The following CLTCL1 variants were observed in gnomAD, a reference collection of about 807,000 sequenced individuals.
CLTCL1 encodes clathrin heavy chain 2.
In CLTCL1, 159 loss-of-function variants were observed where a neutral mutation model predicts 190.0. The ratio of observed to expected loss-of-function variants is 0.84; its 90% CI spans 0.74 to 0.95. The LOEUF is 0.95. Among genes scored for constraint, CLTCL1 ranks in the 40% least tolerant of loss-of-function variants. CLTCL1 has a pLI of 0.00. For synonymous variants in CLTCL1, 752 were observed against 769.6 expected, an observed-to-expected ratio of 0.98 and a Z score of 0.38; for missense variants, 1,878 against 2,033.4, an observed-to-expected ratio of 0.92 and a Z score of 1.47.
chr22:19,210,424 C>A lies in CLTCL1; in HGVS notation c.3151G>T (p.Asp1051Tyr). The change falls in exon 20 of 33, where the codon GAC (aspartate) becomes TAC (tyrosine). Residue 1051 changes from aspartate to tyrosine, a missense_variant. Coordinates refer to ENST00000427926, the MANE Select transcript of CLTCL1 (RefSeq NM_007098.4). ...MEYISRLDNYDALDIASIAVS... is the reference protein window; with the variant it reads ...MEYISRLDNYYALDIASIAVS... ...GCGATGCTCGCGATGTCCAGTGCGT[C>A]ATAGTTGTCCAGGCGGCTGATGTAC... 1 of 1,614,030 alleles carries A rather than the reference C, an allele frequency of 6.2e-7. No individual in the cohort carries two copies. Among genetic ancestry groups the A allele is most frequent in the Non-Finnish European group, 8.5e-7 (1 of 1,179,916 alleles).
At chr22:19,269,749 G>A (rs1378301168) in intron 2 of CLTCL1, among the ~76,000 whole-genome samples, 1 of 152,126 alleles carries the variant, frequency 6.6e-6, no homozygotes, top group Non-Finnish European at 1.5e-5. Flanking sequence ...CATGGACACA[G>A]CGAGGGGAAC....
intron 1 of CLTCL1, among the ~76,000 whole-genome samples, chr22:19,287,952 ACT>A (rs1370538890): frequency 1.4e-4 from 22 of 152,154 alleles, no homozygotes; most frequent in Admixed American, 2.0e-4. Context: ...TTTTTTTCAC[ACT>A]GTTACCTATA....
intron 1 of CLTCL1, among the ~76,000 whole-genome samples, chr22:19,276,213 G>A (rs2087498927): frequency 6.6e-6 from 1 of 152,176 alleles, no homozygotes; most frequent in Non-Finnish European, 1.5e-5. Context: ...TTGGAGAGGT[G>A]AAGGCGAGGG....
chr22:19,183,228 C>T (rs2084199236), intron 30 of CLTCL1, 162 bp downstream of exon 30: 3 of 625,120 alleles, frequency 4.8e-6, no homozygotes, highest in Admixed American at 5.8e-5. Context: ...AAAACCACTT[C>T]AGCATGAAGG....
intron 4 of CLTCL1, among the ~76,000 whole-genome samples, chr22:19,240,749 G>C (rs943588642): frequency 1.3e-5 from 2 of 152,208 alleles, no homozygotes; most frequent in Admixed American, 6.5e-5. Context: ...TGTGGGACTT[G>C]TTAAAGGTCA....
chr22:19,240,020 C>A (rs1281723052), intron 4 of CLTCL1, among the ~76,000 whole-genome samples: 1 of 150,780 alleles, frequency 6.6e-6, no homozygotes, highest in Non-Finnish European at 1.5e-5. Flanking sequence ...GCGATCTCAG[C>A]TCATTGAAAC....
At chr22:19,260,709 G>A (rs2086913276) in intron 2 of CLTCL1, among the ~76,000 whole-genome samples, 1 of 150,552 alleles carries the variant, frequency 6.6e-6, no homozygotes, top group South Asian at 2.1e-4. Flanking sequence ...AACTCGGGAG[G>A]TGGAGGTTGC....
chr22:19,212,565 A>AAGAGAAAGAAG (rs1555947379), intron 19 of CLTCL1, among the ~76,000 whole-genome samples: 1 of 149,470 alleles, frequency 6.7e-6, no homozygotes, highest in Non-Finnish European at 1.5e-5. Context: ...TATTGAAAGA[A>AAGAGAAAGAAG]AGAGAAAGAA....
At chr22:19,263,995 T>C (rs2146198392) in intron 2 of CLTCL1, among the ~76,000 whole-genome samples, 1 of 152,092 alleles carries the variant, frequency 6.6e-6, no homozygotes, top group Middle Eastern at 3.4e-3. Flanking sequence ...AAAACACAAA[T>C]AGTCCAGTTA....
At chr22:19,196,885 G>C (rs1168436192) in intron 24 of CLTCL1, among the ~76,000 whole-genome samples, 3 of 152,128 alleles carry the variant, frequency 2.0e-5, no homozygotes, top group African/African-American at 7.2e-5. Flanking sequence ...CAATTTTCAA[G>C]TTTAGTAAGT....
Position 19,208,996 on chromosome 22 carries a change from T to C in CLTCL1, c.3368A>G (p.Glu1123Gly). 6.2e-7 allele frequency: 1 copy of C among 1,611,968 alleles called. No individual in the cohort carries two copies. Among genetic ancestry groups the C allele is most frequent in the East Asian group, 2.2e-5 (1 of 44,806 alleles). Reference protein sequence around the residue: ...QAQLQKDLVKEAINSYIRGDD... With the variant: ...QAQLQKDLVKGAINSYIRGDD... The stretch of plus-strand genomic sequence containing the variant: ...CCCTCTGATATAGGAGTTGATGGCT[T>C]CCTTCACCAAATCTTTCTGGAGCTG... Residue 1123 changes from glutamate to glycine, a missense_variant, in exon 21 of 33, where the codon GAA (glutamate) becomes GGA (glycine). Physicochemically the swap from Glu to Gly is moderately conservative, Grantham distance 98 (BLOSUM62 -2). Coordinates refer to ENST00000427926, the MANE Select transcript of CLTCL1 (RefSeq NM_007098.4).
chr22:19,275,709 A>G lies in CLTCL1; in HGVS notation c.164T>C (p.Met55Thr). The G allele has an allele frequency of 6.2e-7, 1 of 1,607,274 alleles. No individual in the cohort carries two copies. The highest frequency in any genetic ancestry group is 2.2e-5 in the East Asian group (1 of 44,732). ...TCGGATCGGAGCCATTGGGTCACTC[A>G]TGTCAATGATCGTGACCTGTGCCTG... ...GEQAQVTIID[M>T]SDPMAPIRRP... The change falls in exon 2 of 33, where the codon ATG (methionine) becomes ACG (threonine). Residue 55 changes from methionine to threonine, a missense_variant. Coordinates refer to ENST00000427926, the MANE Select transcript of CLTCL1 (RefSeq NM_007098.4).
chr22:19,260,322 A>G (rs1176309030), intron 2 of CLTCL1, among the ~76,000 whole-genome samples: 2 of 152,220 alleles, frequency 1.3e-5, no homozygotes, highest in African/African-American at 4.8e-5. Context: ...CTCCTACTGG[A>G]AAAAGATGCC....
chr22:19,276,370 G>A (rs189502462), intron 1 of CLTCL1, among the ~76,000 whole-genome samples: 11 of 152,314 alleles, frequency 7.2e-5, no homozygotes, highest in Non-Finnish European at 8.8e-5. Context: ...CTAAGTCAGT[G>A]TGAATACTTC....
chr22:19,243,067 A>G lies in CLTCL1; in HGVS notation c.520-131T>C, dbSNP rs182408080. ...ACTTCCTCTAGTAAAAATTAAATGTATTAGCTATTAAAGGCATGATATCAC... is the reference window on the plus strand; with the variant it reads ...ACTTCCTCTAGTAAAAATTAAATGTGTTAGCTATTAAAGGCATGATATCAC... On this transcript the variant is annotated intron_variant, in intron 3 of 32. Coordinates refer to ENST00000427926, the MANE Select transcript of CLTCL1 (RefSeq NM_007098.4). 2.8e-5 allele frequency: 24 copies of G among 847,246 alleles called. No homozygotes were observed. In the East Asian group the frequency reaches 6.5e-4, roughly 23 times the overall value. The allele number at this position is 847,246 out of a possible 1,614,324, so 52.5% of individuals were successfully genotyped here.
intron 1 of CLTCL1, among the ~76,000 whole-genome samples, chr22:19,280,582 GC>G (rs1378662262): frequency 1.3e-5 from 2 of 152,068 alleles, no homozygotes; most frequent in African/African-American, 4.8e-5. Flanking sequence ...ACTTTGGGAG[GC>G]TGAGGCGGGT....
At chr22:19,222,569 C>G (rs2085607923) in intron 15 of CLTCL1, 115 bp downstream of exon 15, 2 of 1,269,440 alleles carry the variant, frequency 1.6e-6, no homozygotes, top group African/African-American at 3.0e-5. Flanking sequence ...AACCCACCAC[C>G]CTTCAAAATG....
chr22:19,285,381 C>A (rs1014645545), intron 1 of CLTCL1, among the ~76,000 whole-genome samples: 10 of 152,194 alleles, frequency 6.6e-5, no homozygotes, highest in African/African-American at 2.4e-4. Flanking sequence ...ACACTAAGGT[C>A]TCTTCCAGAA....
intron 2 of CLTCL1, chr22:19,258,388 C>T (rs1191971348): frequency 4.8e-6 from 2 of 418,466 alleles, no homozygotes; most frequent in Non-Finnish European, 9.2e-6. Context: ...GAGATCAGAG[C>T]TGCTGAGATA....
Sources: allele counts gnomAD v4.1 joint callset (sites outside exome capture counted in the v4.1 genomes callset), GRCh38; gene constraint gnomAD v4.1.1; transcripts MANE v1.5; gene names NCBI Gene and HGNC (gene_info 2026-07-23, HGNC 2026-07-21).